EFCC1: variants seen among roughly 807,000 people sequenced by gnomAD.
The protein encoded by EFCC1 is EF-hand and coiled-coil domain-containing protein 1.
EFCC1 carries 50 observed loss-of-function variants against 52.1 expected under a neutral mutation model. That is an observed-to-expected ratio of 0.96 (90% CI 0.76 to 1.21). The LOEUF (loss-of-function observed/expected upper bound fraction) is 1.21, where lower values mean the gene tolerates loss of function less well. Ranked by LOEUF, EFCC1 falls within the 50% of genes most tolerant of loss-of-function variation. The pLI, the probability that EFCC1 is intolerant of heterozygous loss-of-function variation, is 0.00. For missense variants in EFCC1, 837 were observed against 867.3 expected, an observed-to-expected ratio of 0.97 and a Z score of 0.44; for synonymous variants, 399 against 396.5, an observed-to-expected ratio of 1.01 and a Z score of -0.08.
In EFCC1 at chr3:129,022,250, TCC is replaced by T. The variant is rs1424329218; in HGVS notation, c.981-8450_981-8449del. Among the ~76,000 whole-genome samples, 7 of 152,036 alleles carry T rather than the reference TCC, an allele frequency of 4.6e-5. No homozygotes were observed. In the East Asian group the frequency reaches 1.3e-3, roughly 29 times the overall value. On this transcript the variant is annotated intron_variant, in intron 2 of 7. Transcript: ENST00000683648. ...ACCGCCAGGCCCAGCTAGCACAGAGTCCCCAGCAGTGTTGACTGATTAATCAA... is the reference window on the plus strand; with the variant it reads ...ACCGCCAGGCCCAGCTAGCACAGAGTCCAGCAGTGTTGACTGATTAATCAA...
intron 6 of EFCC1, 43 bp from the exon 7 acceptor site, chr3:129,038,788 C>T (rs1444648855): frequency 6.3e-7 from 1 of 1,599,854 alleles, no homozygotes. Context: ...AACAGGGACA[C>T]AGCAACCAGT....
intron 6 of EFCC1, 63 bp downstream of exon 6, chr3:129,037,180 A>C (rs1469411706): frequency 6.6e-7 from 1 of 1,512,966 alleles, no homozygotes; most frequent in African/African-American, 1.4e-5. Context: ...AGGGAGCCCC[A>C]CTTGTGTCAG....
Position 129,003,783 on chromosome 3 carries a change from T to G in EFCC1, c.697-11T>G. ...CACTTACCCCCTGCCCCTGCTGCCC[T>G]GTCCCCGCAGGTCGGACTCTGGAAG... On this transcript the variant is annotated splice_polypyrimidine_tract_variant and intron_variant, in intron 1 of 7. Coordinates refer to ENST00000683648, the MANE Select transcript of EFCC1 (RefSeq NM_001377500.1). 1.4e-6 allele frequency: 2 copies of G among 1,430,786 alleles called. No homozygotes were observed. Among genetic ancestry groups the G allele is most frequent in the Non-Finnish European group, 9.1e-7 (1 of 1,096,730 alleles). The allele number at this position is 1,430,786 out of a possible 1,614,324, so 88.6% of individuals were successfully genotyped here.
Position 129,014,625 on chromosome 3 carries a change from A to C in EFCC1, c.980+10548A>C, listed in dbSNP as rs577903089. ...TATGAGGAGCTCTGGGGGTCTGGAC[A>C]TCAACATATGAATTGGGGAGACACA... On this transcript the variant is annotated intron_variant, in intron 2 of 7. Coordinates refer to ENST00000683648, the MANE Select transcript of EFCC1 (RefSeq NM_001377500.1). This position sits in a 1 kb window ranked among gnomAD's most constrained non-coding sequence, Gnocchi z 4.3. Among the ~76,000 whole-genome samples, 8 of 152,330 alleles carry C rather than the reference A, an allele frequency of 5.3e-5. No individual in the cohort carries two copies. The East Asian group carries it at 1.5e-3, about 29-fold the overall frequency.
intron 2 of EFCC1, among the ~76,000 whole-genome samples, chr3:129,016,265 A>G (rs548330912): frequency 1.3e-5 from 2 of 152,204 alleles, no homozygotes; most frequent in South Asian, 4.1e-4. Flanking sequence ...GGTAAGGGAC[A>G]TTATCCTGGC....
At chr3:129,027,454 C>A (rs1349749285) in intron 2 of EFCC1, among the ~76,000 whole-genome samples, 1 of 152,188 alleles carries the variant, frequency 6.6e-6, no homozygotes, top group Non-Finnish European at 1.5e-5. Flanking sequence ...TGCCCAGACT[C>A]TCCGCGGGGG....
At chr3:129,004,109 T>C in intron 2 of EFCC1, 32 bp downstream of exon 2, 1 of 1,461,312 alleles carries the variant, frequency 6.8e-7, no homozygotes, top group East Asian at 2.8e-5. Context: ...GGGCCCAAGT[T>C]CCCCAATTCG....
chr3:129,038,988 T>C (rs922507593), intron 7 of EFCC1, 88 bp downstream of exon 7: 1 of 1,145,552 alleles, frequency 8.7e-7, no homozygotes, highest in Non-Finnish European at 1.3e-6. Context: ...ATGCTTAGCA[T>C]CTTGTCTGCA....
chr3:129,036,237 G>A (rs547461010), intron 5 of EFCC1, among the ~76,000 whole-genome samples: 1 of 152,360 alleles, frequency 6.6e-6, no homozygotes, highest in South Asian at 2.1e-4. Flanking sequence ...TGGCCTTCCA[G>A]TCACATCCCT....
At chr3:129,005,073 C>T (rs754209222) in intron 2 of EFCC1, among the ~76,000 whole-genome samples, 1 of 152,214 alleles carries the variant, frequency 6.6e-6, no homozygotes, top group Admixed American at 6.5e-5. Flanking sequence ...GCCTGCTGGC[C>T]GGCCTGACTA....
chr3:129,002,256 T>A lies in EFCC1; in HGVS notation c.628T>A (p.Leu210Met), dbSNP rs1418460743. Reference protein sequence around the residue: ...VARLEEENSSLRELVEDLRAA... With the variant: ...VARLEEENSSMRELVEDLRAA... ...GCGGCTGGAGGAGGAGAATAGCAGC[T>A]TGCGCGAGTTGGTGGAGGACCTGCG... The change falls in exon 1 of 8, where the codon TTG (leucine) becomes ATG (methionine). Residue 210 changes from leucine to methionine, a missense_variant. Leu to Met is a conservative substitution (Grantham distance 15). Coordinates refer to ENST00000683648, the MANE Select transcript of EFCC1 (RefSeq NM_001377500.1). 2.6e-6 allele frequency: 4 copies of A among 1,531,232 alleles called. No homozygotes were observed. The South Asian group carries it at 4.8e-5, about 18-fold the overall frequency. The allele number at this position is 1,531,232 out of a possible 1,614,324, so 94.9% of individuals were successfully genotyped here. A position where few individuals can be genotyped will look rare whatever the true frequency, so the allele number is the denominator to read the frequency against.
At chr3:129,015,924 G>A (rs1467175627) in intron 2 of EFCC1, among the ~76,000 whole-genome samples, 4 of 152,222 alleles carry the variant, frequency 2.6e-5, no homozygotes, top group Non-Finnish European at 4.4e-5. Context: ...CCCAGAGTAG[G>A]TGCTGCAGCG....
intron 3 of EFCC1, among the ~76,000 whole-genome samples, chr3:129,031,466 T>G (rs1236219549): frequency 1.3e-5 from 2 of 151,954 alleles, no homozygotes; most frequent in African/African-American, 4.8e-5. Context: ...AAAACATGGA[T>G]GCCCAGGCCC....
chr3:129,020,337 C>A (rs6789166), intron 2 of EFCC1, among the ~76,000 whole-genome samples: 3 of 152,052 alleles, frequency 2.0e-5, no homozygotes, highest in African/African-American at 7.3e-5. Context: ...TGACTTACTC[C>A]CATTTAAAAG....
At chr3:129,024,751 A>G (rs1252376324) in intron 2 of EFCC1, among the ~76,000 whole-genome samples, 3 of 151,752 alleles carry the variant, frequency 2.0e-5, no homozygotes, top group Non-Finnish European at 4.4e-5. Context: ...GTGAGGGCAG[A>G]GCTCTCATGG....
chr3:129,036,271 C>T (rs1946352638), intron 5 of EFCC1, among the ~76,000 whole-genome samples: 1 of 152,262 alleles, frequency 6.6e-6, no homozygotes, highest in Admixed American at 6.5e-5. Flanking sequence ...ACTGGGCCTT[C>T]CCTCTTCCTG....
At chr3:129,005,741 T>C (rs1945047386) in intron 2 of EFCC1, among the ~76,000 whole-genome samples, 1 of 152,150 alleles carries the variant, frequency 6.6e-6, no homozygotes, top group African/African-American at 2.4e-5. Context: ...AGCTGGGAGA[T>C]GGTAAGGCAT....
rs5852559 is a variant in EFCC1, at chr3:129,038,063, C to CA, written c.1594-754dup. 5.6e-3 allele frequency among the ~76,000 whole-genome samples: 798 copies of CA among 143,738 alleles called. 4 individuals are homozygous for CA. Among genetic ancestry groups the CA allele is most frequent in the Admixed American group, 0.01 (147 of 14,330 alleles). The allele number at this position is 143,738 out of a possible 152,430, so 94.3% of individuals were successfully genotyped here. A position where few individuals can be genotyped will look rare whatever the true frequency, so the allele number is the denominator to read the frequency against. On this transcript the variant is annotated intron_variant, in intron 6 of 7. Coordinates refer to ENST00000683648, the MANE Select transcript of EFCC1 (RefSeq NM_001377500.1). ...TGGGTGACAGAGTAAGACCTTATCT[C>CA]AAAAAAAAAAAAAATTAAAATTAAA...
rs1037358730 is a variant in EFCC1, at chr3:129,032,835, G to A, written c.1155G>A (p.Leu385=). 1 of 1,551,300 alleles carries A rather than the reference G, an allele frequency of 6.4e-7. No individual in the cohort carries two copies. Among genetic ancestry groups the A allele is most frequent in the Non-Finnish European group, 8.7e-7 (1 of 1,146,892 alleles). Residue 385 remains leucine (L), a synonymous_variant, in exon 4 of 8, where the codon CTG becomes CTA. Transcript: ENST00000683648. The part of the protein sequence containing the change: ...RALDEAVDEQ[L]FRSVEGQAAS... ...CTTCCCCAGCAGTGGACGAGCAGCT[G>A]TTCCGCTCCGTGGAGGGCCAGGCCG...
Sources: allele counts gnomAD v4.1 joint callset (sites outside exome capture counted in the v4.1 genomes callset), GRCh38; gene constraint gnomAD v4.1.1; non-coding constraint Gnocchi (gnomAD v3.1); transcripts MANE v1.5; gene names NCBI Gene and HGNC (gene_info 2026-07-23, HGNC 2026-07-21).